REV3L: variants seen among roughly 807,000 people sequenced by gnomAD.
The protein encoded by REV3L is DNA polymerase zeta catalytic subunit.
A neutral mutation model predicts 299.4 loss-of-function variants in REV3L; 69 were observed. The ratio of observed to expected loss-of-function variants is 0.23; its 90% CI spans 0.19 to 0.28. REV3L has a LOEUF of 0.28. Ranked by LOEUF, REV3L falls within the 10% of genes least tolerant of loss-of-function variation. REV3L has a pLI of 1.00. For synonymous variants in REV3L, 1,238 were observed against 1,271.4 expected (o/e 0.97, Z 0.56); for missense variants, 3,128 against 3,693.8 (o/e 0.85, Z 3.97).
At chr6:111,453,263 T>G (rs1216137483) in intron 1 of REV3L, among the ~76,000 whole-genome samples, 2 of 152,156 alleles carry the variant, frequency 1.3e-5, no homozygotes, top group South Asian at 2.1e-4. Flanking sequence ...TTTTGCAAAT[T>G]TAGTCTCACA....
At position 111,299,778 on chromosome 6, in the gene REV3L, CT is replaced by C. The variant is rs1422675495; in HGVS notation, c.*237del. The C allele has an allele frequency of 2.2e-5, 7 of 323,488 alleles. No homozygotes were observed. Among genetic ancestry groups the C allele is most frequent in the Non-Finnish European group, 3.9e-5 (7 of 178,350 alleles). 20.0% of individuals were successfully genotyped at this position (323,488 alleles called of 1,614,324 possible). A position where few individuals can be genotyped will look rare whatever the true frequency, so the allele number is the denominator to read the frequency against. ...ACACATACTGGAGCAAATCCAACAC[CT>C]GCATTATAAAACAATGTTTAAAAGG... On this transcript the variant is annotated 3_prime_UTR_variant, in exon 32 of 32. Transcript: ENST00000368802.
intron 17 of REV3L, 92 bp downstream of exon 17, chr6:111,358,730 C>G (rs1778348441): frequency 1.0e-6 from 1 of 963,900 alleles, no homozygotes. Flanking sequence ...AGTCATCATG[C>G]TTGCTTAGAT....
chr6:111,356,137 T>C lies in REV3L; in HGVS notation c.7184+877A>G, dbSNP rs547589793. Among the ~76,000 whole-genome samples, 24 of 152,254 alleles carry C rather than the reference T, an allele frequency of 1.6e-4. No homozygotes were observed. The East Asian group carries it at 4.4e-3, about 28-fold the overall frequency. ...TAGTTTTTATAGGATGAAGTTCAACTATATAAGCAAAACAAAAAAGGGTGA... is the reference window on the plus strand; with the variant it reads ...TAGTTTTTATAGGATGAAGTTCAACCATATAAGCAAAACAAAAAAGGGTGA... On this transcript the variant is annotated intron_variant, in intron 18 of 31. Coordinates refer to ENST00000368802, the MANE Select transcript of REV3L (RefSeq NM_001372078.1).
Position 111,342,009 on chromosome 6 carries a change from G to C in REV3L, c.7538+1916C>G, listed in dbSNP as rs1044628572. Among the ~76,000 whole-genome samples, 53 of 152,180 alleles carry C rather than the reference G, an allele frequency of 3.5e-4. 1 individual carries two copies. Among genetic ancestry groups the C allele is most frequent in the African/African-American group, 1.3e-3 (52 of 41,510 alleles). On this transcript the variant is annotated intron_variant, in intron 21 of 31. Transcript: ENST00000368802. ...AAAAAACAGAGGCCTTTGCCCTAGA[G>C]AAAGGCCTACTCTAGATAAAACTTA... is the stretch of plus-strand genomic sequence containing the variant.
chr6:111,337,235 T>C (rs1775998844), intron 21 of REV3L, among the ~76,000 whole-genome samples: 1 of 152,180 alleles, frequency 6.6e-6, no homozygotes, highest in Non-Finnish European at 1.5e-5. Context: ...TTATATACTT[T>C]AAATGGGTAA....
chr6:111,332,944 C>T (rs955808370), intron 23 of REV3L, among the ~76,000 whole-genome samples, 179 bp downstream of exon 23: 1 of 152,184 alleles, frequency 6.6e-6, no homozygotes, highest in Non-Finnish European at 1.5e-5. Flanking sequence ...CTGGATTAAT[C>T]ATATGGTGAT....
chr6:111,300,784 T>TA (rs1771410264), intron 31 of REV3L, among the ~76,000 whole-genome samples: 1 of 152,228 alleles, frequency 6.6e-6, no homozygotes, highest in South Asian at 2.1e-4. Context: ...GTCATCTCCG[T>TA]AAGCTGAGGA....
At chr6:111,411,848 C>G in intron 2 of REV3L, 1 of 321,290 alleles carries the variant, frequency 3.1e-6, no homozygotes, top group Non-Finnish European at 4.5e-6. Flanking sequence ...AAGAACAAAC[C>G]ATCCACCCCT....
chr6:111,384,679 G>C (rs1367734452), intron 9 of REV3L, among the ~76,000 whole-genome samples: 1 of 152,204 alleles, frequency 6.6e-6, no homozygotes, highest in Non-Finnish European at 1.5e-5. Flanking sequence ...ATGGAGAACA[G>C]TATGAAGGTT....
intron 2 of REV3L, 68 bp from the exon 3 acceptor site, chr6:111,411,622 C>T (rs765564818): frequency 2.9e-6 from 3 of 1,025,876 alleles, no homozygotes; most frequent in African/African-American, 1.6e-5. Flanking sequence ...CAACTTATTG[C>T]CCTAATTAGA....
chr6:111,418,366 C>A (rs549087001), intron 1 of REV3L, among the ~76,000 whole-genome samples: 14 of 152,226 alleles, frequency 9.2e-5, no homozygotes, highest in Admixed American at 4.6e-4. Flanking sequence ...TTAATAGTTT[C>A]TTTATGGTCA....
At chr6:111,418,212 C>A (rs1054346125) in intron 1 of REV3L, among the ~76,000 whole-genome samples, 14 of 152,118 alleles carry the variant, frequency 9.2e-5, no homozygotes, top group African/African-American at 3.4e-4. Flanking sequence ...AAATGCAAGA[C>A]CAGTGATTAC....
At chr6:111,388,347 C>T (rs1429707026) in intron 7 of REV3L, among the ~76,000 whole-genome samples, 1 of 151,998 alleles carries the variant, frequency 6.6e-6, no homozygotes, top group Non-Finnish European at 1.5e-5. Context: ...TTGTTCTCTA[C>T]CTATAAATAT....
chr6:111,441,538 A>G (rs918646252), intron 1 of REV3L, among the ~76,000 whole-genome samples: 4 of 152,318 alleles, frequency 2.6e-5, no homozygotes, highest in African/African-American at 9.6e-5. Flanking sequence ...GGTGCGAGCC[A>G]CCACGTCCAG....
chr6:111,363,276 T>A (rs566175855), intron 16 of REV3L, among the ~76,000 whole-genome samples: 4 of 151,962 alleles, frequency 2.6e-5, no homozygotes, highest in Non-Finnish European at 5.9e-5. Flanking sequence ...AATATAATAA[T>A]CCCCAAAATA....
intron 2 of REV3L, among the ~76,000 whole-genome samples, chr6:111,414,348 T>C (rs556810781): frequency 7.9e-5 from 12 of 152,100 alleles, no homozygotes; most frequent in East Asian, 1.9e-4. Flanking sequence ...AGAAACAACT[T>C]GGATAGCAGA....
intron 21 of REV3L, among the ~76,000 whole-genome samples, chr6:111,343,544 T>A (rs1776734784): frequency 6.6e-6 from 1 of 152,222 alleles, no homozygotes; most frequent in African/African-American, 2.4e-5. Context: ...TTTATATATT[T>A]TTTGAGATAG....
chr6:111,437,055 C>G (rs1019133644), intron 1 of REV3L, among the ~76,000 whole-genome samples: 1 of 152,130 alleles, frequency 6.6e-6, no homozygotes, highest in African/African-American at 2.4e-5. Context: ...CGGAACCACA[C>G]GCTCACTAGG....
intron 4 of REV3L, among the ~76,000 whole-genome samples, chr6:111,403,260 A>G (rs1186582578): frequency 1.3e-5 from 2 of 152,234 alleles, no homozygotes; most frequent in African/African-American, 4.8e-5. Context: ...GGTGACTGCT[A>G]CAGGTCATAG....
Sources: allele counts gnomAD v4.1 joint callset (sites outside exome capture counted in the v4.1 genomes callset), GRCh38; gene constraint gnomAD v4.1.1; transcripts MANE v1.5; gene names NCBI Gene and HGNC (gene_info 2026-07-23, HGNC 2026-07-21).